Variants in CNTNAP2 observed in about 807,000 individuals in gnomAD.
CNTNAP2 encodes contactin associated protein 2.
Under a neutral mutation model 155.2 loss-of-function variants are expected in CNTNAP2, and 98 were observed. The observed-to-expected ratio is 0.63, with a 90% CI of 0.54 to 0.75. The LOEUF (loss-of-function observed/expected upper bound fraction) is 0.75, where lower values mean the gene tolerates loss of function less well. CNTNAP2 is among the 30% of genes least tolerant of loss of function. CNTNAP2 has a pLI of 0.00. For synonymous variants in CNTNAP2, 651 were observed against 631.2 expected, an observed-to-expected ratio of 1.03 and a Z score of -0.47; for missense variants, 1,727 against 1,688.1, an observed-to-expected ratio of 1.02 and a Z score of -0.40.
chr7:146,140,470 A>G (rs555110439), intron 1 of CNTNAP2, among the ~76,000 whole-genome samples: 5 of 152,270 alleles, frequency 3.3e-5, no homozygotes, highest in African/African-American at 7.2e-5. Context: ...TCTATGGTGA[A>G]TGAAATAATT....
At chr7:147,357,439 T>C (rs138306255) in intron 9 of CNTNAP2, among the ~76,000 whole-genome samples, 71 of 152,216 alleles carry the variant, frequency 4.7e-4, no homozygotes, top group African/African-American at 1.7e-3. Flanking sequence ...TCATGGGAAG[T>C]CTTGGCAATG....
At chr7:147,287,750 C>T (rs561222230) in intron 8 of CNTNAP2, among the ~76,000 whole-genome samples, 26 of 152,216 alleles carry the variant, frequency 1.7e-4, no homozygotes, top group African/African-American at 5.5e-4. Flanking sequence ...CCCCCAGTCT[C>T]TCATTACAGT....
chr7:146,176,479 G>A lies in CNTNAP2; in HGVS notation c.97+59506G>A, dbSNP rs187099817. Reference sequence around the variant, plus strand: ...TTTTATTGAAATAAAAATTGACAGAGAATTTGGACATCCTTTGGAAAGCCA... The same window carrying A: ...TTTTATTGAAATAAAAATTGACAGAAAATTTGGACATCCTTTGGAAAGCCA... On this transcript the variant is annotated intron_variant, in intron 1 of 23. Coordinates refer to ENST00000361727, the MANE Select transcript of CNTNAP2 (RefSeq NM_014141.6). Among the ~76,000 whole-genome samples, 8 of 152,230 alleles carry A rather than the reference G, an allele frequency of 5.3e-5. No homozygotes were observed. The East Asian group carries it at 1.5e-3, about 29-fold the overall frequency.
chr7:146,381,545 C>G (rs944551790), intron 1 of CNTNAP2, among the ~76,000 whole-genome samples: 2 of 151,928 alleles, frequency 1.3e-5, no homozygotes, highest in Admixed American at 6.6e-5. Context: ...TTATGGGGAA[C>G]TAAATGAGTT....
chr7:148,327,881 T>C (rs1390025131), intron 21 of CNTNAP2, among the ~76,000 whole-genome samples: 1 of 151,590 alleles, frequency 6.6e-6, no homozygotes, highest in Non-Finnish European at 1.5e-5. Flanking sequence ...GACCTAATCA[T>C]CTCCACACTG....
chr7:148,106,450 T>G (rs1804219499), intron 15 of CNTNAP2, among the ~76,000 whole-genome samples: 1 of 147,984 alleles, frequency 6.8e-6, no homozygotes. Context: ...TTCCCCAGAG[T>G]CACCCCCACC....
intron 3 of CNTNAP2, among the ~76,000 whole-genome samples, chr7:147,031,172 A>G (rs1018012419): frequency 5.3e-5 from 8 of 152,128 alleles, no homozygotes; most frequent in African/African-American, 1.9e-4. Flanking sequence ...CACAAAATGG[A>G]TAGCATTTAT....
intron 21 of CNTNAP2, among the ~76,000 whole-genome samples, chr7:148,331,758 A>AG (rs1563046082): frequency 1.9e-4 from 2 of 10,348 alleles, no homozygotes; most frequent in Admixed American, 9.7e-4. Context: ...GAACGGACGG[A>AG]TGGATTGGAT....
intron 14 of CNTNAP2, among the ~76,000 whole-genome samples, chr7:147,914,760 C>T (rs1800130549): frequency 6.6e-6 from 1 of 151,986 alleles, no homozygotes; most frequent in Non-Finnish European, 1.5e-5. Flanking sequence ...CCATTTTGCC[C>T]AGGCTGGTCT....
At chr7:148,050,049 C>A (rs925982752) in intron 15 of CNTNAP2, among the ~76,000 whole-genome samples, 1 of 152,128 alleles carries the variant, frequency 6.6e-6, no homozygotes, top group African/African-American at 2.4e-5. Context: ...ATGATCCCAG[C>A]TACTCGGAAG....
intron 13 of CNTNAP2, among the ~76,000 whole-genome samples, chr7:147,731,796 A>G (rs1182516937): frequency 6.6e-6 from 1 of 152,148 alleles, no homozygotes. Context: ...ATTTGTGATT[A>G]ATGAGAGGGA....
rs751000962 is a variant in CNTNAP2 at position 147,586,543 on chromosome 7, AAGGGAGGGAGGGAGGGAGGG to A, written c.1897+24304_1897+24323del. ...GAGAAGAGGAAGGAAGGAAGGAAGG[AAGGGAGGGAGGGAGGGAGGG>A]AGGGAGGGAGGGAGGGAAAGAGGAA... On this transcript the variant is annotated intron_variant, in intron 12 of 23. Transcript: ENST00000361727. 2.3e-3 allele frequency among the ~76,000 whole-genome samples: 114 copies of A among 48,926 alleles called. 2 individuals carry two copies. The highest frequency in any genetic ancestry group is 3.1e-3 in the Non-Finnish European group (75 of 24,554). 32.1% of individuals were successfully genotyped at this position (48,926 alleles called of 152,430 possible).
intron 8 of CNTNAP2, among the ~76,000 whole-genome samples, chr7:147,182,429 C>T (rs1802479979): frequency 6.6e-6 from 1 of 151,968 alleles, no homozygotes; most frequent in Non-Finnish European, 1.5e-5. Flanking sequence ...AGTCATGTAG[C>T]ACATTACTTT....
intron 20 of CNTNAP2, among the ~76,000 whole-genome samples, chr7:148,256,681 A>C (rs890324397): frequency 1.3e-5 from 2 of 152,124 alleles, no homozygotes; most frequent in Admixed American, 6.5e-5. Context: ...TCCCATGCGC[A>C]GGGGATTTTC....
At chr7:146,984,623 G>T (rs1283538403) in intron 3 of CNTNAP2, among the ~76,000 whole-genome samples, 1 of 152,084 alleles carries the variant, frequency 6.6e-6, no homozygotes, top group Non-Finnish European at 1.5e-5. Context: ...AGAGGGGCTG[G>T]TGTCCTACAT....
At chr7:146,579,150 G>A (rs1454966885) in intron 1 of CNTNAP2, among the ~76,000 whole-genome samples, 1 of 152,066 alleles carries the variant, frequency 6.6e-6, no homozygotes, top group East Asian at 1.9e-4. Context: ...GAAATTTCGG[G>A]TCTTGATACA....
intron 21 of CNTNAP2, among the ~76,000 whole-genome samples, chr7:148,295,523 G>T (rs543328374): frequency 1.4e-5 from 2 of 147,890 alleles, no homozygotes; most frequent in African/African-American, 5.0e-5. Flanking sequence ...ACGGAGTCTC[G>T]CTCTGTCGCC....
At position 146,536,590 on chromosome 7, in the gene CNTNAP2, T is replaced by TCC. The variant is rs138445958; in HGVS notation, c.98-237674_98-237673dup. On this transcript the variant is annotated intron_variant, in intron 1 of 23. Coordinates refer to ENST00000361727, the MANE Select transcript of CNTNAP2 (RefSeq NM_014141.6). ...CTGCTCACTGCTGCCTCCCCCATGT[T>TCC]CCCCCCCCACCACCATTTTTAAAGA... 4.8e-3 allele frequency among the ~76,000 whole-genome samples: 704 copies of TCC among 147,390 alleles called. 8 individuals are homozygous for TCC. Among genetic ancestry groups the TCC allele is most frequent in the African/African-American group, 0.016 (650 of 39,752 alleles).
At chr7:146,909,034 A>T (rs1170854516) in intron 3 of CNTNAP2, among the ~76,000 whole-genome samples, 1 of 151,602 alleles carries the variant, frequency 6.6e-6, no homozygotes. Context: ...CCTCTACGCA[A>T]ATAAACTAGA....
Sources: gnomAD v4.1 joint callset for allele counts (sites outside exome capture counted in the v4.1 genomes callset) on GRCh38, gnomAD v4.1.1 for gene constraint, MANE v1.5 for transcripts, NCBI Gene and HGNC (gene_info 2026-07-23, HGNC 2026-07-21) for gene names.